Variants in SH2D4B observed in about 807,000 individuals in gnomAD.
SH2D4B encodes the protein SH2 domain-containing protein 4B.
A neutral mutation model predicts 61.5 loss-of-function variants in SH2D4B; 45 were observed. That is an observed-to-expected ratio of 0.73 (90% CI 0.58 to 0.94). The LOEUF (loss-of-function observed/expected upper bound fraction) is 0.94, where lower values mean the gene tolerates loss of function less well. Among genes scored for constraint, SH2D4B ranks in the 40% least tolerant of loss-of-function variants. The probability of loss-of-function intolerance (pLI) is 0.00; values close to 1 mark genes in which losing one functional copy is unlikely to be tolerated. For synonymous variants in SH2D4B, 224 were observed against 220.4 expected, an observed-to-expected ratio of 1.02 and a Z score of -0.14; for missense variants, 572 against 574.2, an observed-to-expected ratio of 1.00 and a Z score of 0.04.
intron 5 of SH2D4B, among the ~76,000 whole-genome samples, chr10:80,605,247 GAAGGCTTTTCATATCAATTC>G (rs1842505207): frequency 6.6e-6 from 1 of 151,124 alleles, no homozygotes; most frequent in Admixed American, 6.6e-5. Context: ...CTAGTTTTTA[GAAGGCTTTTCATATCAATTC>G]TTATATTATC....
rs543878939 is a variant in SH2D4B, at chr10:80,578,822, G to T, written c.495+7244G>T. 2.0e-5 allele frequency among the ~76,000 whole-genome samples: 3 copies of T among 152,338 alleles called. No individual in the cohort carries two copies. The East Asian group carries it at 5.8e-4, about 29-fold the overall frequency. The stretch of plus-strand genomic sequence containing the variant: ...TTTTTGCAATGGTCAAGGCCAATGA[G>T]CAAGGGTCTGGACAGAGTCTATGAC... On this transcript the variant is annotated intron_variant, in intron 3 of 7. Transcript: ENST00000646907.
chr10:80,592,716 T>TC (rs1205330294), intron 4 of SH2D4B, among the ~76,000 whole-genome samples: 2 of 49,284 alleles, frequency 4.1e-5, no homozygotes, highest in East Asian at 1.3e-3. Context: ...TCTCTGTCTC[T>TC]TTTTTTTTTT....
rs1004925764 is a variant in SH2D4B, at chr10:80,634,516, C to G, written c.1209+11C>G. On this transcript the variant is annotated intron_variant, in intron 7 of 7. Coordinates refer to ENST00000646907, the MANE Select transcript of SH2D4B (RefSeq NM_001388272.1). ...GTTGATTTCCATAAGGTATCCCTCA[C>G]AGGGATACTAATGGGGGGGAGGGGG... 1 of 1,548,150 alleles carries G rather than the reference C, an allele frequency of 6.5e-7. No homozygotes were observed. The highest frequency in any genetic ancestry group is 8.7e-7 in the Non-Finnish European group (1 of 1,146,250).
chr10:80,583,325 A>C (rs7087969), intron 3 of SH2D4B, among the ~76,000 whole-genome samples: 40,913 of 151,808 alleles, frequency 0.27, 6,484 homozygotes, highest in African/African-American at 0.43. Context: ...ACTCAGTAGA[A>C]GGTTTGGAAG....
chr10:80,596,253 A>G (rs1401194240), intron 4 of SH2D4B, among the ~76,000 whole-genome samples: 1 of 152,216 alleles, frequency 6.6e-6, no homozygotes, highest in Non-Finnish European at 1.5e-5. Flanking sequence ...TTTCATGCCC[A>G]TTCACACATG....
intron 6 of SH2D4B, among the ~76,000 whole-genome samples, chr10:80,611,070 G>C (rs1842592089): frequency 6.6e-6 from 1 of 150,718 alleles, no homozygotes; most frequent in Admixed American, 6.6e-5. Context: ...AGGTACTCAG[G>C]AGGCTGAGGC....
intron 1 of SH2D4B, among the ~76,000 whole-genome samples, chr10:80,562,894 CTTTTTTTTT>C (rs34539206): frequency 1.2e-4 from 9 of 74,700 alleles, no homozygotes; most frequent in African/African-American, 1.5e-4. Flanking sequence ...AACATTTTTT[CTTTTTTTTT>C]TTTTTTTTTT....
At chr10:80,555,856 G>C (rs1212373644) in intron 1 of SH2D4B, among the ~76,000 whole-genome samples, 1 of 152,090 alleles carries the variant, frequency 6.6e-6, no homozygotes, top group Admixed American at 6.6e-5. Context: ...GTGGGTTTAA[G>C]AACAGGCGTG....
chr10:80,554,437 CGTGT>C (rs139368172), intron 1 of SH2D4B, among the ~76,000 whole-genome samples: 1 of 149,722 alleles, frequency 6.7e-6, no homozygotes, highest in African/African-American at 2.4e-5. Context: ...ATTGGATGTA[CGTGT>C]GTGTGTGTGT....
chr10:80,565,741 C>T (rs938200430), intron 1 of SH2D4B, among the ~76,000 whole-genome samples: 3 of 152,078 alleles, frequency 2.0e-5, no homozygotes, highest in Non-Finnish European at 4.4e-5. Flanking sequence ...AAAAGTTTTC[C>T]AGTGGCTCCA....
intron 6 of SH2D4B, 84 bp downstream of exon 6, chr10:80,609,635 A>G (rs1842571207): frequency 6.3e-7 from 1 of 1,587,534 alleles, no homozygotes; most frequent in African/African-American, 1.3e-5. Context: ...GCTGAAGGAC[A>G]GTTATAATCA....
intron 1 of SH2D4B, among the ~76,000 whole-genome samples, chr10:80,556,589 T>G (rs1841841304): frequency 6.6e-6 from 1 of 152,234 alleles, no homozygotes; most frequent in Non-Finnish European, 1.5e-5. Context: ...GTCGTCAATT[T>G]CTTTCAGCAA....
chr10:80,593,580 C>T (rs536246709), intron 4 of SH2D4B, among the ~76,000 whole-genome samples: 27 of 152,256 alleles, frequency 1.8e-4, no homozygotes, highest in African/African-American at 5.5e-4. Flanking sequence ...TGTTTATTAG[C>T]TGGAATGTAT....
rs1256631596 is a variant in SH2D4B, at chr10:80,644,022, G to A, written c.1239G>A (p.Glu413=). Residue 413 remains glutamate (E), a synonymous_variant, in exon 8 of 8, where the codon GAG becomes GAA. Transcript: ENST00000646907. Reference sequence around the variant, plus strand: ...AAATTATCACTGTTTCAGGAGGAGAGTTACTTCAGGAACCCTGCGGACAGA... The same window carrying A: ...AAATTATCACTGTTTCAGGAGGAGAATTACTTCAGGAACCCTGCGGACAGA... The part of the protein sequence containing the change: ...KEEIITVSGG[E]LLQEPCGQRD... 3 of 1,613,810 alleles carry A rather than the reference G, an allele frequency of 1.9e-6. No individual in the cohort carries two copies. Among genetic ancestry groups the A allele is most frequent in the Non-Finnish European group, 1.7e-6 (2 of 1,179,906 alleles).
At chr10:80,635,449 A>G (rs1006463603) in intron 7 of SH2D4B, among the ~76,000 whole-genome samples, 1 of 152,152 alleles carries the variant, frequency 6.6e-6, no homozygotes, top group Non-Finnish European at 1.5e-5. Flanking sequence ...GGGTTTTGGT[A>G]TAATAGGGAC....
intron 1 of SH2D4B, among the ~76,000 whole-genome samples, chr10:80,559,579 T>C (rs796110236): frequency 3.3e-4 from 50 of 152,254 alleles, no homozygotes; most frequent in African/African-American, 1.1e-3. Flanking sequence ...TTAATCATTA[T>C]ATAAATGGCA....
intron 1 of SH2D4B, among the ~76,000 whole-genome samples, chr10:80,557,003 G>A (rs1018602014): frequency 5.3e-5 from 8 of 151,986 alleles, no homozygotes; most frequent in South Asian, 2.1e-4. Context: ...TTCAATCTCC[G>A]GTCATTAAGT....
Position 80,539,728 on chromosome 10 carries a change from A to G in SH2D4B, c.184+1213A>G, listed in dbSNP as rs543126133. On this transcript the variant is annotated intron_variant, in intron 1 of 7. Transcript: ENST00000646907. The surrounding 1 kb of genome is among the most constrained non-coding windows in gnomAD (Gnocchi z 4.9). ...CCTCATCTGCTTGCCTGGCTCTCCG[A>G]TGGGCTCAAAGGCACTGGTGTGTGA... Among the ~76,000 whole-genome samples the G allele has an allele frequency of 6.6e-6, 1 of 152,176 alleles. No homozygotes were observed. The highest frequency in any genetic ancestry group is 6.5e-5 in the Admixed American group (1 of 15,292).
chr10:80,583,253 A>G (rs997381490), intron 3 of SH2D4B, among the ~76,000 whole-genome samples: 1 of 152,014 alleles, frequency 6.6e-6, no homozygotes, highest in Non-Finnish European at 1.5e-5. Flanking sequence ...AATGAAGAGA[A>G]AAGAACAACC....
Sources: gnomAD v4.1 joint callset for allele counts (sites outside exome capture counted in the v4.1 genomes callset) on GRCh38, gnomAD v4.1.1 for gene constraint, Gnocchi (gnomAD v3.1) non-coding constraint, MANE v1.5 for transcripts, NCBI Gene and HGNC (gene_info 2026-07-23, HGNC 2026-07-21) for gene names.